RTTN: variants seen among roughly 807,000 people sequenced by gnomAD.
RTTN encodes rotatin.
Under a neutral mutation model 269.2 loss-of-function variants are expected in RTTN, and 182 were observed. The ratio of observed to expected loss-of-function variants is 0.68; its 90% CI spans 0.60 to 0.76. The LOEUF (loss-of-function observed/expected upper bound fraction) is 0.76, where lower values mean the gene tolerates loss of function less well. RTTN is among the 30% of genes least tolerant of loss of function. The pLI is 0.00. For missense variants in RTTN, 2,545 were observed against 2,608.6 expected (o/e 0.98, Z 0.53); for synonymous variants, 1,006 against 963.5 (o/e 1.04, Z -0.82).
intron 35 of RTTN, among the ~76,000 whole-genome samples, chr18:70,060,587 A>ATTTACCAT (rs1427793050): frequency 2.6e-5 from 4 of 152,066 alleles, no homozygotes; most frequent in African/African-American, 9.7e-5. Flanking sequence ...CACCTCAAAC[A>ATTTACCAT]TTTACCATTT....
At position 70,188,239 on chromosome 18, in the gene RTTN, G is replaced by GA. The variant is rs773654101; in HGVS notation, c.1190-17dup. The GA allele has an allele frequency of 6.5e-6, 9 of 1,384,924 alleles. No homozygotes were observed. Among genetic ancestry groups the GA allele is most frequent in the Admixed American group, 1.8e-5 (1 of 55,936 alleles). The allele number at this position is 1,384,924 out of a possible 1,614,324, so 85.8% of individuals were successfully genotyped here. On this transcript the variant is annotated splice_polypyrimidine_tract_variant and intron_variant, in intron 9 of 48. Coordinates refer to ENST00000640769, the MANE Select transcript of RTTN (RefSeq NM_173630.4). The stretch of plus-strand genomic sequence containing the variant: ...TGTCTGCTACCTAGGAATACAAACA[G>GA]AAAAAAGTAAAGGAGAAGAAGTTAC...
At chr18:70,153,023 C>G (rs773498264) in intron 14 of RTTN, among the ~76,000 whole-genome samples, 2 of 152,034 alleles carry the variant, frequency 1.3e-5, no homozygotes, top group African/African-American at 4.8e-5. Flanking sequence ...TCTTTTTGTT[C>G]GTGAAACACG....
intron 36 of RTTN, among the ~76,000 whole-genome samples, chr18:70,059,180 G>A (rs545517917): frequency 1.5e-4 from 23 of 152,270 alleles, no homozygotes; most frequent in African/African-American, 5.3e-4. Flanking sequence ...TTAAATAGGT[G>A]TTAATGACAC....
chr18:70,061,331 T>C (rs2057978835), intron 35 of RTTN: 1 of 456,176 alleles, frequency 2.2e-6, no homozygotes, highest in Non-Finnish European at 4.4e-6. Flanking sequence ...CAGCAAGATG[T>C]TCCAGGTTCA....
chr18:70,043,008 C>A (rs2144733807), intron 40 of RTTN, among the ~76,000 whole-genome samples: 1 of 152,210 alleles, frequency 6.6e-6, no homozygotes, highest in South Asian at 2.1e-4. Flanking sequence ...ATGGATATCC[C>A]AGGATGACAG....
At chr18:70,127,839 C>G (rs2059905502) in intron 24 of RTTN, 98 bp from the exon 25 acceptor site, 1 of 1,103,814 alleles carries the variant, frequency 9.1e-7, no homozygotes, top group Non-Finnish European at 1.3e-6. Flanking sequence ...GCTGTTTTAT[C>G]TTCATTTTCT....
At chr18:70,130,199 T>A (rs980040582) in intron 23 of RTTN, 5 of 151,688 alleles carry the variant, frequency 3.3e-5, no homozygotes, top group Admixed American at 6.6e-5. Context: ...ATTAGTAGAG[T>A]CATTATTGGA....
At chr18:70,150,293 T>G (rs868426432) in intron 15 of RTTN, 17 of 565,900 alleles carry the variant, frequency 3.0e-5, no homozygotes, top group Non-Finnish European at 4.7e-5. Flanking sequence ...TAATGTACAT[T>G]TGTCCCTTGA....
chr18:70,166,890 C>T (rs113342921), intron 13 of RTTN, 29 bp downstream of exon 13: 41 of 1,438,752 alleles, frequency 2.8e-5, no homozygotes, highest in African/African-American at 2.0e-4. Flanking sequence ...CCAATAATAA[C>T]GTAATCACAT....
chr18:70,141,051 TAAC>T (rs2060244938), intron 19 of RTTN, among the ~76,000 whole-genome samples: 1 of 152,206 alleles, frequency 6.6e-6, no homozygotes, highest in Non-Finnish European at 1.5e-5. Flanking sequence ...TTTGAAATGT[TAAC>T]AATATTGAAG....
chr18:70,132,559 T>TA (rs566856390), intron 23 of RTTN, among the ~76,000 whole-genome samples: 1,519 of 150,454 alleles, frequency 0.01, 22 homozygotes, highest in African/African-American at 0.034. Context: ...CTTGCATCAA[T>TA]AAAAAAAAAT....
At chr18:70,129,584 T>A (rs866189255) in intron 23 of RTTN, 1 of 150,300 alleles carries the variant, frequency 6.7e-6, no homozygotes, top group Non-Finnish European at 1.5e-5. Context: ...TGCAGAAAAA[T>A]GAAACTAGAT....
intron 43 of RTTN, 141 bp from the exon 44 acceptor site, chr18:70,024,989 T>A: frequency 1.1e-6 from 1 of 917,916 alleles, no homozygotes. Flanking sequence ...CCCAGCCCCA[T>A]TGGGCTCCAC....
At chr18:70,177,945 G>C (rs746398364) in intron 10 of RTTN, among the ~76,000 whole-genome samples, 16 of 152,116 alleles carry the variant, frequency 1.1e-4, no homozygotes, top group Non-Finnish European at 1.5e-4. Context: ...ATACCCAAAA[G>C]AACTGAAAGC....
At chr18:70,016,626 C>T (rs1455152342) in intron 46 of RTTN, among the ~76,000 whole-genome samples, 3 of 152,108 alleles carry the variant, frequency 2.0e-5, no homozygotes, top group African/African-American at 2.4e-5. Flanking sequence ...AAGATCTTTC[C>T]GATTCTTTTT....
intron 28 of RTTN, among the ~76,000 whole-genome samples, chr18:70,094,310 T>G (rs2058937344): frequency 6.6e-6 from 1 of 152,208 alleles, no homozygotes; most frequent in Non-Finnish European, 1.5e-5. Flanking sequence ...TCAGTTCTGC[T>G]CTGATCTTAG....
At chr18:70,065,588 C>T (rs533368411) in intron 35 of RTTN, among the ~76,000 whole-genome samples, 1 of 152,274 alleles carries the variant, frequency 6.6e-6, no homozygotes, top group Admixed American at 6.5e-5. Flanking sequence ...CAAATACCTA[C>T]GAGCGCCTAA....
intron 17 of RTTN, 62 bp from the exon 18 acceptor site, chr18:70,145,845 C>T: frequency 7.8e-7 from 1 of 1,279,866 alleles, no homozygotes; most frequent in Middle Eastern, 1.9e-4. Flanking sequence ...TTTAAAAGGG[C>T]TTGTAATTAC....
chr18:70,140,566 T>G (rs887442002), intron 19 of RTTN, among the ~76,000 whole-genome samples: 1 of 152,140 alleles, frequency 6.6e-6, no homozygotes, highest in African/African-American at 2.4e-5. Context: ...TTCAAATGTT[T>G]ATAATTCTCC....
Sources: allele counts gnomAD v4.1 joint callset (sites outside exome capture counted in the v4.1 genomes callset), GRCh38; gene constraint gnomAD v4.1.1; transcripts MANE v1.5; gene names NCBI Gene and HGNC (gene_info 2026-07-23, HGNC 2026-07-21).